ZBTB46: variants seen among roughly 807,000 people sequenced by gnomAD.
ZBTB46 encodes zinc finger and BTB domain-containing protein 46.
A neutral mutation model predicts 44.1 loss-of-function variants in ZBTB46; 8 were observed. The ratio of observed to expected loss-of-function variants is 0.18; its 90% CI spans 0.11 to 0.33. The LOEUF (loss-of-function observed/expected upper bound fraction) is 0.33. ZBTB46 is among the 10% of genes least tolerant of loss of function. ZBTB46 has a pLI of 1.00. For missense variants in ZBTB46, 651 were observed against 847.7 expected (o/e 0.77, Z 2.88); for synonymous variants, 409 against 382.3 (o/e 1.07, Z -0.81).
intron 3 of ZBTB46, among the ~76,000 whole-genome samples, chr20:63,762,673 C>CA (rs2092287361): frequency 9.5e-6 from 1 of 105,260 alleles, no homozygotes; most frequent in South Asian, 3.5e-4. Context: ...AACAAACAAA[C>CA]AAACAAAAAA....
chr20:63,802,429 A>G (rs1201123232), intron 1 of ZBTB46, among the ~76,000 whole-genome samples: 2 of 151,162 alleles, frequency 1.3e-5, no homozygotes, highest in Non-Finnish European at 2.9e-5. Flanking sequence ...CAAAAAAAAA[A>G]CAATGAGGTT....
In ZBTB46 at chr20:63,752,908, C is replaced by G. The variant is rs765741943; in HGVS notation, c.1223-47G>C. On this transcript the variant is annotated intron_variant, in intron 3 of 4. Coordinates refer to ENST00000245663, the MANE Select transcript of ZBTB46 (RefSeq NM_001369741.1). The surrounding 1 kb of genome is among the most constrained non-coding windows in gnomAD (Gnocchi z 5.6). ...GGCGTCAGCAGGGCTTGGGATGTACCGCCCTGCGGCCCACAGACCACGGCT... is the reference window on the plus strand; with the variant it reads ...GGCGTCAGCAGGGCTTGGGATGTACGGCCCTGCGGCCCACAGACCACGGCT... The G allele has an allele frequency of 1.3e-6, 2 of 1,540,998 alleles. No individual in the cohort carries two copies. The highest frequency in any genetic ancestry group is 2.7e-5 in the African/African-American group (2 of 73,100).
chr20:63,763,147 A>G (rs549888501), intron 3 of ZBTB46, among the ~76,000 whole-genome samples: 70 of 152,326 alleles, frequency 4.6e-4, no homozygotes, highest in African/African-American at 1.7e-3. Flanking sequence ...GGTGTGAGCC[A>G]CTGTACCCAG....
At chr20:63,748,871 T>C (rs1445711875) in intron 4 of ZBTB46, among the ~76,000 whole-genome samples, 1 of 152,196 alleles carries the variant, frequency 6.6e-6, no homozygotes, top group Non-Finnish European at 1.5e-5. Context: ...ACATAATCAA[T>C]GTGTGTCATG....
intron 3 of ZBTB46, among the ~76,000 whole-genome samples, chr20:63,773,230 CTT>C (rs745777313): frequency 2.3e-4 from 31 of 133,942 alleles, no homozygotes; most frequent in Admixed American, 5.3e-4. Flanking sequence ...AGTCCAATGG[CTT>C]TTTTTTTTTT....
At chr20:63,813,881 C>T (rs759350661) in intron 1 of ZBTB46, among the ~76,000 whole-genome samples, 1 of 152,184 alleles carries the variant, frequency 6.6e-6, no homozygotes. Flanking sequence ...GCGTGTGAGC[C>T]ACACACAACG....
At chr20:63,777,051 ACGC>A in intron 2 of ZBTB46, among the ~76,000 whole-genome samples, 5 of 44,764 alleles carry the variant, frequency 1.1e-4, no homozygotes, top group South Asian at 7.9e-4. Context: ...GTTCCACCAC[ACGC>A]CACGGTTCCA....
chr20:63,772,828 G>A (rs980930066), intron 3 of ZBTB46, among the ~76,000 whole-genome samples: 2 of 151,962 alleles, frequency 1.3e-5, no homozygotes, highest in East Asian at 1.9e-4. Context: ...GGATGCAGAG[G>A]ACACAGCACT....
chr20:63,783,293 G>A (rs549138416), intron 2 of ZBTB46, among the ~76,000 whole-genome samples: 60 of 152,288 alleles, frequency 3.9e-4, no homozygotes, highest in African/African-American at 1.3e-3. Context: ...GCTGGGCGTG[G>A]TGGCACGTGC....
At chr20:63,817,388 G>A (rs1198676597) in intron 1 of ZBTB46, among the ~76,000 whole-genome samples, 1 of 151,936 alleles carries the variant, frequency 6.6e-6, no homozygotes, top group African/African-American at 2.4e-5. Flanking sequence ...CTGGCCCACA[G>A]AGTGAGATCC....
intron 1 of ZBTB46, among the ~76,000 whole-genome samples, chr20:63,804,967 T>C (rs67078803): frequency 0.17 from 25,746 of 147,686 alleles, 2,735 homozygotes; most frequent in East Asian, 0.44. Context: ...TGTTGCCAGG[T>C]TGGAGTGCAG....
At chr20:63,826,771 T>G (rs904003072) in intron 1 of ZBTB46, among the ~76,000 whole-genome samples, 2 of 152,028 alleles carry the variant, frequency 1.3e-5, no homozygotes, top group Admixed American at 1.3e-4. Flanking sequence ...AGACAGCGAG[T>G]GTCCTTGGGA....
chr20:63,782,096 A>AAAAAAAAAAAAAAAAAAAAAAG (rs1386082316), intron 2 of ZBTB46, among the ~76,000 whole-genome samples: 7 of 124,974 alleles, frequency 5.6e-5, no homozygotes, highest in East Asian at 2.3e-4. Flanking sequence ...CAAAAAAAAA[A>AAAAAAAAAAAAAAAAAAAAAAG]AAAAGAAAAG....
chr20:63,760,999 C>CTTT (rs372831458), intron 3 of ZBTB46, among the ~76,000 whole-genome samples: 2 of 127,914 alleles, frequency 1.6e-5, no homozygotes, highest in Admixed American at 7.9e-5. Context: ...ATTGATAGCT[C>CTTT]TTTTTTTTTT....
Position 63,745,252 on chromosome 20 carries a change from G to A in ZBTB46, c.*1678C>T, listed in dbSNP as rs1422662251. The A allele has an allele frequency of 6.6e-6, 1 of 152,306 alleles. No individual in the cohort carries two copies. The highest frequency in any genetic ancestry group is 2.4e-5 in the African/African-American group (1 of 41,462). 9.4% of individuals were successfully genotyped at this position (152,306 alleles called of 1,614,324 possible). A position where few individuals can be genotyped will look rare whatever the true frequency, so the allele number is the denominator to read the frequency against. ...AATCTTGGCCTCTTTCTCCAGCTTT[G>A]AGGAGCCCACAGCCTCCGAGCTGAG... On this transcript the variant is annotated 3_prime_UTR_variant, in exon 5 of 5. Coordinates refer to ENST00000245663, the MANE Select transcript of ZBTB46 (RefSeq NM_001369741.1).
chr20:63,766,205 CTTTTTTTTTTTTTTTTT>C (rs10525501), intron 3 of ZBTB46, among the ~76,000 whole-genome samples: 1 of 81,702 alleles, frequency 1.2e-5, no homozygotes, highest in Admixed American at 1.6e-4. Flanking sequence ...CTGAGAGATC[CTTTTTTTTTTTTTTTTT>C]TTTTTTTTTT....
At chr20:63,751,107 C>G (rs1267381929) in intron 4 of ZBTB46, among the ~76,000 whole-genome samples, 7 of 152,138 alleles carry the variant, frequency 4.6e-5, no homozygotes, top group Non-Finnish European at 1.0e-4. Context: ...GGAAACATGT[C>G]GGCCTGGTGC....
Position 63,746,923 on chromosome 20 carries a change from G to A in ZBTB46, c.*7C>T. ...GAGGCAGCCACCGACCCTGCCGGCGGGCGGGCCTAGGAGAGCCAGGCGAAG... is the reference window on the plus strand; with the variant it reads ...GAGGCAGCCACCGACCCTGCCGGCGAGCGGGCCTAGGAGAGCCAGGCGAAG... On this transcript the variant is annotated 3_prime_UTR_variant, in exon 5 of 5. Coordinates refer to ENST00000245663, the MANE Select transcript of ZBTB46 (RefSeq NM_001369741.1). 1 of 1,518,448 alleles carries A rather than the reference G, an allele frequency of 6.6e-7. No individual in the cohort carries two copies. The highest frequency in any genetic ancestry group is 1.4e-5 in the African/African-American group (1 of 72,998). The allele number at this position is 1,518,448 out of a possible 1,614,324, so 94.1% of individuals were successfully genotyped here.
intron 2 of ZBTB46, among the ~76,000 whole-genome samples, chr20:63,776,582 T>A (rs968999942): frequency 6.6e-6 from 1 of 152,208 alleles, no homozygotes; most frequent in East Asian, 1.9e-4. Flanking sequence ...GGCGGGCGGA[T>A]CATCTGAGGT....
Sources: allele counts gnomAD v4.1 joint callset (sites outside exome capture counted in the v4.1 genomes callset), GRCh38; gene constraint gnomAD v4.1.1; non-coding constraint Gnocchi (gnomAD v3.1); transcripts MANE v1.5; gene names NCBI Gene and HGNC (gene_info 2026-07-23, HGNC 2026-07-21).